The following DYRK1A variants were observed in gnomAD, a reference collection of about 807,000 sequenced individuals.
DYRK1A encodes the protein dual specificity tyrosine-phosphorylation-regulated kinase 1A.
DYRK1A carries 9 observed loss-of-function variants against 79.7 expected under a neutral mutation model. That is an observed-to-expected ratio of 0.11 (90% confidence interval 0.07 to 0.20). DYRK1A has a LOEUF of 0.20. DYRK1A is among the 10% of genes least tolerant of loss of function. The pLI is 1.00. For synonymous variants in DYRK1A, 349 were observed against 329.7 expected (o/e 1.06, Z -0.63); for missense variants, 622 against 956.0 (o/e 0.65, Z 4.61).
At chr21:37,375,990 G>A (rs542999844) in intron 1 of DYRK1A, among the ~76,000 whole-genome samples, 3 of 151,806 alleles carry the variant, frequency 2.0e-5, no homozygotes, top group African/African-American at 7.2e-5. Context: ...ACCTGAAACC[G>A]CAGGCCCCAC....
At position 37,391,660 on chromosome 21, in the gene DYRK1A, C is replaced by T. The variant is rs574337475; in HGVS notation, c.-77+24032C>T. ...CTGTTCTACAGCCTATAATCTTCCA[C>T]GATTCTCCTTTGTATGGAATGAAGA... is the stretch of plus-strand genomic sequence containing the variant. On this transcript the variant is annotated intron_variant, in intron 1 of 11. Transcript: ENST00000647188. 7.2e-5 allele frequency among the ~76,000 whole-genome samples: 11 copies of T among 152,312 alleles called. No homozygotes were observed. In the East Asian group the frequency reaches 9.6e-4, roughly 13 times the overall value.
At chr21:37,411,675 A>G (rs2050247640) in intron 1 of DYRK1A, among the ~76,000 whole-genome samples, 2 of 152,196 alleles carry the variant, frequency 1.3e-5, no homozygotes, top group Admixed American at 1.3e-4. Flanking sequence ...ATTGGTTGAG[A>G]AAATTCCAGG....
intron 1 of DYRK1A, among the ~76,000 whole-genome samples, chr21:37,372,218 C>T (rs577979617): frequency 1.3e-5 from 2 of 151,228 alleles, no homozygotes; most frequent in East Asian, 1.9e-4. Flanking sequence ...CCAGGGTGGG[C>T]GGATCACTTG....
chr21:37,439,030 CCT>C lies in DYRK1A; in HGVS notation c.10+18647_10+18648del, dbSNP rs529717500. ...TTTCATGTATTTTGTCAGGTTTATG[CCT>C]AAGTATTTCATATTTTTGTCACTAT... On this transcript the variant is annotated intron_variant, in intron 2 of 11. Coordinates refer to ENST00000647188, the MANE Select transcript of DYRK1A (RefSeq NM_001347721.2). 4.4e-3 allele frequency among the ~76,000 whole-genome samples: 669 copies of C among 152,100 alleles called. 3 individuals are homozygous for C. Among genetic ancestry groups the C allele is most frequent in the Middle Eastern group, 0.041 (12 of 294 alleles).
chr21:37,507,778 G>A (rs1053416627), intron 11 of DYRK1A, among the ~76,000 whole-genome samples: 8 of 150,554 alleles, frequency 5.3e-5, no homozygotes, highest in African/African-American at 7.4e-5. Context: ...TCCCTACTCC[G>A]CTTAATGTTT....
intron 9 of DYRK1A, chr21:37,503,250 A>G (rs1388197935): frequency 6.6e-6 from 1 of 152,132 alleles, no homozygotes; most frequent in East Asian, 1.9e-4. Context: ...AGTGATGTGT[A>G]TGTTACAGTG....
At position 37,519,547 on chromosome 21, in the gene DYRK1A, G is replaced by A. The variant is rs1156943158; in HGVS notation, c.*7016G>A. ...GCCTGAATGGAACTTCTTTTTCTAC[G>A]TAAATACAGCAAACAATGCAGGGAA... On this transcript the variant is annotated 3_prime_UTR_variant, in exon 12 of 12. Transcript: ENST00000647188. 6.6e-6 allele frequency: 1 copy of A among 152,122 alleles called. No homozygotes were observed. Among genetic ancestry groups the A allele is most frequent in the Admixed American group, 6.5e-5 (1 of 15,272 alleles). The allele number at this position is 152,122 out of a possible 1,614,324, so 9.4% of individuals were successfully genotyped here. A position where few individuals can be genotyped will look rare whatever the true frequency, so the allele number is the denominator to read the frequency against.
intron 1 of DYRK1A, among the ~76,000 whole-genome samples, chr21:37,386,703 A>C (rs1474877303): frequency 6.8e-6 from 1 of 147,834 alleles, no homozygotes; most frequent in Admixed American, 6.7e-5. Context: ...AATTCCAGGG[A>C]CAGGCTCAGG....
At chr21:37,381,632 C>T (rs747572865) in intron 1 of DYRK1A, among the ~76,000 whole-genome samples, 4 of 152,028 alleles carry the variant, frequency 2.6e-5, no homozygotes, top group South Asian at 2.1e-4. Context: ...AGGTGCATAT[C>T]GAATATAAGT....
intron 2 of DYRK1A, among the ~76,000 whole-genome samples, chr21:37,449,514 A>T (rs1350598075): frequency 2.0e-5 from 3 of 152,200 alleles, no homozygotes; most frequent in Non-Finnish European, 4.4e-5. Flanking sequence ...TGGTAGTGGC[A>T]CACATCACTT....
At chr21:37,458,921 C>T (rs1157596146) in intron 2 of DYRK1A, among the ~76,000 whole-genome samples, 3 of 152,156 alleles carry the variant, frequency 2.0e-5, no homozygotes, top group Non-Finnish European at 4.4e-5. Flanking sequence ...GAGAAGCCCT[C>T]ATCTCCTGAC....
intron 10 of DYRK1A, 123 bp downstream of exon 10, chr21:37,505,712 C>G: frequency 9.1e-7 from 1 of 1,093,996 alleles, no homozygotes; most frequent in Admixed American, 2.9e-5. Context: ...TTACTTAAAT[C>G]TGTTCTTTGT....
chr21:37,463,996 C>T (rs989242287), intron 2 of DYRK1A, among the ~76,000 whole-genome samples: 1 of 152,158 alleles, frequency 6.6e-6, no homozygotes, highest in Non-Finnish European at 1.5e-5. Flanking sequence ...TCAATTAATA[C>T]TGTCACAGGA....
Position 37,369,023 on chromosome 21 carries a change from T to A in DYRK1A, c.-77+1395T>A, listed in dbSNP as rs148974728. Among the ~76,000 whole-genome samples the A allele has an allele frequency of 1.1e-4, 16 of 152,318 alleles. No homozygotes were observed. In the East Asian group the frequency reaches 3.1e-3, roughly 29 times the overall value. ...TTTGAATGAAAGGAATTAAAGATAT[T>A]CCTTGATGTGTTTTGTACTTCAAAC... On this transcript the variant is annotated intron_variant, in intron 1 of 11. Coordinates refer to ENST00000647188, the MANE Select transcript of DYRK1A (RefSeq NM_001347721.2).
At chr21:37,496,933 C>T (rs556659207) in intron 9 of DYRK1A, among the ~76,000 whole-genome samples, 2 of 152,184 alleles carry the variant, frequency 1.3e-5, no homozygotes, top group African/African-American at 4.8e-5. Context: ...AATTTTGCAT[C>T]TTGATTTTTT....
In DYRK1A at chr21:37,464,025, A is replaced by G. The variant is rs866127517; in HGVS notation, c.11-8659A>G. On this transcript the variant is annotated intron_variant, in intron 2 of 11. Coordinates refer to ENST00000647188, the MANE Select transcript of DYRK1A (RefSeq NM_001347721.2). ...CACAGGAATGGTCCCCTGTTAACAC[A>G]TTACTAACAAAGAAATTCAGGTTAG... is the stretch of plus-strand genomic sequence containing the variant. Among the ~76,000 whole-genome samples, 15 of 152,362 alleles carry G rather than the reference A, an allele frequency of 9.8e-5. No homozygotes were observed. In the South Asian group the frequency reaches 1.7e-3, roughly 17 times the overall value.
intron 1 of DYRK1A, among the ~76,000 whole-genome samples, chr21:37,388,895 C>T (rs1444321295): frequency 3.3e-5 from 5 of 151,814 alleles, no homozygotes; most frequent in East Asian, 1.9e-4. Flanking sequence ...CCACCAGCCT[C>T]GGCCTCCCAA....
At chr21:37,399,632 C>T (rs2050018737) in intron 1 of DYRK1A, among the ~76,000 whole-genome samples, 2 of 152,120 alleles carry the variant, frequency 1.3e-5, no homozygotes, top group Admixed American at 6.5e-5. Flanking sequence ...TAGACAGGTA[C>T]TACTGTTTAG....
At chr21:37,383,925 A>G (rs1009942794) in intron 1 of DYRK1A, among the ~76,000 whole-genome samples, 4 of 152,038 alleles carry the variant, frequency 2.6e-5, no homozygotes, top group South Asian at 2.1e-4. Context: ...GCTTTTGACT[A>G]TTCTGAATTT....
Sources: allele counts gnomAD v4.1 joint callset (sites outside exome capture counted in the v4.1 genomes callset), GRCh38; gene constraint gnomAD v4.1.1; transcripts MANE v1.5; gene names NCBI Gene and HGNC (gene_info 2026-07-23, HGNC 2026-07-21).